The following TIAM2 variants were observed in gnomAD, a reference collection of about 807,000 sequenced individuals.
TIAM2 encodes the protein TIAM Rac1 associated GEF 2.
In TIAM2, 80 loss-of-function variants were observed where a neutral mutation model predicts 152.9. The observed-to-expected ratio is 0.52, with a 90% CI of 0.44 to 0.63. TIAM2 has a LOEUF of 0.63. Among genes scored for constraint, TIAM2 ranks in the 30% least tolerant of loss-of-function variants. The probability of loss-of-function intolerance (pLI) is 0.00; values close to 1 mark genes in which losing one functional copy is unlikely to be tolerated. For missense variants in TIAM2, 1,965 were observed against 2,120.1 expected (o/e 0.93, Z 1.44); for synonymous variants, 804 against 838.0 (o/e 0.96, Z 0.70).
intron 2 of TIAM2, among the ~76,000 whole-genome samples, chr6:155,120,078 G>C (rs924828325): frequency 2.6e-5 from 4 of 152,198 alleles, no homozygotes; most frequent in Non-Finnish European, 4.4e-5. Context: ...TGAGTGTGGA[G>C]ATCCTCCTTG....
At chr6:155,042,298 A>G (rs1303396031) in intron 1 of TIAM2, among the ~76,000 whole-genome samples, 8 of 150,664 alleles carry the variant, frequency 5.3e-5, no homozygotes, top group Non-Finnish European at 1.2e-4. Flanking sequence ...GCAACTTCCA[A>G]AGCCCATCCC....
intron 15 of TIAM2, among the ~76,000 whole-genome samples, chr6:155,240,236 T>A (rs1178466837): frequency 1.3e-5 from 2 of 152,252 alleles, no homozygotes; most frequent in African/African-American, 4.8e-5. Context: ...CTGCAGAGGG[T>A]TAGCCCTAGG....
At chr6:155,154,371 C>T (rs1351680440) in intron 7 of TIAM2, among the ~76,000 whole-genome samples, 2 of 152,110 alleles carry the variant, frequency 1.3e-5, no homozygotes, top group Non-Finnish European at 2.9e-5. Flanking sequence ...AAGGCACTAT[C>T]GCAGTTGTAA....
At chr6:155,058,632 A>G (rs1777503023) in intron 1 of TIAM2, among the ~76,000 whole-genome samples, 1 of 152,192 alleles carries the variant, frequency 6.6e-6, no homozygotes, top group Non-Finnish European at 1.5e-5. Flanking sequence ...CTTTACCTTA[A>G]GTCTCTTTCA....
intron 1 of TIAM2, among the ~76,000 whole-genome samples, chr6:155,046,177 T>G (rs6557393): frequency 6.6e-6 from 1 of 151,760 alleles, no homozygotes; most frequent in Non-Finnish European, 1.5e-5. Context: ...TTATCTGCCC[T>G]CTCTTTTCTA....
chr6:155,154,304 C>T (rs1180608647), intron 7 of TIAM2, among the ~76,000 whole-genome samples: 2 of 152,212 alleles, frequency 1.3e-5, no homozygotes, highest in Non-Finnish European at 2.9e-5. Flanking sequence ...AACAGAAATT[C>T]TCTGGAACAG....
At chr6:155,047,537 G>A (rs917359101) in intron 1 of TIAM2, among the ~76,000 whole-genome samples, 2 of 151,916 alleles carry the variant, frequency 1.3e-5, no homozygotes, top group African/African-American at 4.8e-5. Flanking sequence ...AAATCCTATC[G>A]CCACACCACC....
chr6:155,007,451 C>G (rs1238278263), intron 1 of TIAM2, among the ~76,000 whole-genome samples: 3 of 150,670 alleles, frequency 2.0e-5, no homozygotes, highest in African/African-American at 7.3e-5. Context: ...GTGGCACAAT[C>G]TCGGCTCACT....
chr6:155,178,090 G>A (rs1562343479), intron 10 of TIAM2, among the ~76,000 whole-genome samples: 1 of 151,544 alleles, frequency 6.6e-6, no homozygotes, highest in Admixed American at 6.6e-5. Flanking sequence ...CAACCTGGGA[G>A]GTGGAGCTTG....
chr6:155,236,215 T>A (rs1782749494), intron 15 of TIAM2, among the ~76,000 whole-genome samples: 1 of 151,862 alleles, frequency 6.6e-6, no homozygotes, highest in African/African-American at 2.4e-5. Context: ...GTGAGCTCTG[T>A]CCACATACCT....
At position 155,253,058 on chromosome 6, in the gene TIAM2, C is replaced by CT; in HGVS notation, c.4225+6dup. 1 of 1,611,776 alleles carries CT rather than the reference C, an allele frequency of 6.2e-7. No homozygotes were observed. Among genetic ancestry groups the CT allele is most frequent in the Non-Finnish European group, 8.5e-7 (1 of 1,177,952 alleles). On this transcript the variant is annotated splice_donor_region_variant and intron_variant, in intron 24 of 26. Coordinates refer to ENST00000682666, the MANE Select transcript of TIAM2 (RefSeq NM_012454.4). ...TCAGACTGGGGAATCCAGCAGGTAA[C>CT]TGTTTCGTGCAGTATGATGCCAGAA... is the stretch of plus-strand genomic sequence containing the variant.
At chr6:155,036,691 C>T (rs1465693427) in intron 1 of TIAM2, among the ~76,000 whole-genome samples, 3 of 151,412 alleles carry the variant, frequency 2.0e-5, no homozygotes, top group Non-Finnish European at 4.4e-5. Flanking sequence ...GATCTCGGCT[C>T]ACTGCAACCT....
chr6:155,181,078 G>C (rs2115139434), intron 12 of TIAM2, among the ~76,000 whole-genome samples: 1 of 152,340 alleles, frequency 6.6e-6, no homozygotes, highest in Non-Finnish European at 1.5e-5. Context: ...ACCAGCAGAA[G>C]ATACTCTCTG....
chr6:155,196,414 G>T (rs560228850), intron 14 of TIAM2, among the ~76,000 whole-genome samples: 9 of 152,158 alleles, frequency 5.9e-5, no homozygotes, highest in African/African-American at 2.2e-4. Flanking sequence ...TCCATAAGAG[G>T]TATCAAAATT....
chr6:155,256,028 G>GGA, intron 26 of TIAM2: 1 of 190,812 alleles, frequency 5.2e-6, no homozygotes, highest in African/African-American at 2.7e-5. Context: ...AAGGGGGGGG[G>GGA]AGGGGCATTT....
intron 7 of TIAM2, among the ~76,000 whole-genome samples, chr6:155,149,733 G>A (rs1198255198): frequency 6.6e-6 from 1 of 151,984 alleles, no homozygotes; most frequent in Admixed American, 6.6e-5. Context: ...GACCAGCCTG[G>A]CCAACGTGGT....
intron 14 of TIAM2, among the ~76,000 whole-genome samples, chr6:155,185,235 C>T (rs1185514237): frequency 6.7e-6 from 1 of 148,372 alleles, no homozygotes; most frequent in Non-Finnish European, 1.5e-5. Context: ...CTAGTGATTC[C>T]CTTGCCTCAG....
rs1040303875 is a variant in TIAM2 at position 155,240,828 on chromosome 6, C to T, written c.3348+119C>T. On this transcript the variant is annotated intron_variant, in intron 16 of 26. Coordinates refer to ENST00000682666, the MANE Select transcript of TIAM2 (RefSeq NM_012454.4). ...ACCTGCCACTCCCCAGGGGGGGACACCTGCTCCTTGAATCAGTGAATTGCT... is the reference window on the plus strand; with the variant it reads ...ACCTGCCACTCCCCAGGGGGGGACATCTGCTCCTTGAATCAGTGAATTGCT... The T allele has an allele frequency of 3.9e-5, 40 of 1,036,580 alleles. 2 individuals carry two copies. Among genetic ancestry groups the T allele is most frequent in the South Asian group, 1.7e-5 (1 of 60,044 alleles). 64.2% of individuals were successfully genotyped at this position (1,036,580 alleles called of 1,614,324 possible). A position where few individuals can be genotyped will look rare whatever the true frequency, so the allele number is the denominator to read the frequency against.
intron 1 of TIAM2, among the ~76,000 whole-genome samples, chr6:155,026,783 G>A (rs1264696053): frequency 1.3e-5 from 2 of 152,228 alleles, no homozygotes; most frequent in African/African-American, 2.4e-5. Flanking sequence ...TTAGGGACTT[G>A]GTGAGAAGCT....
Sources: allele counts gnomAD v4.1 joint callset (sites outside exome capture counted in the v4.1 genomes callset), GRCh38; gene constraint gnomAD v4.1.1; transcripts MANE v1.5; gene names NCBI Gene and HGNC (gene_info 2026-07-23, HGNC 2026-07-21).